Variants in ITGB5 observed in about 807,000 individuals in gnomAD.
ITGB5 encodes integrin subunit beta 5.
A neutral mutation model predicts 84.8 loss-of-function variants in ITGB5; 38 were observed. The ratio of observed to expected loss-of-function variants is 0.45; its 90% CI spans 0.35 to 0.59. The LOEUF is 0.59. Ranked by LOEUF, ITGB5 falls within the 20% of genes least tolerant of loss-of-function variation. The pLI, the probability that ITGB5 is intolerant of heterozygous loss-of-function variation, is 0.01. For missense variants in ITGB5, 905 were observed against 1,034.5 expected (o/e 0.87, Z 1.72); for synonymous variants, 393 against 414.4 (o/e 0.95, Z 0.63).
intron 5 of ITGB5, among the ~76,000 whole-genome samples, chr3:124,827,226 C>T (rs1012254357): frequency 1.3e-5 from 2 of 152,140 alleles, no homozygotes; most frequent in Non-Finnish European, 2.9e-5. Flanking sequence ...AACTGTGGGC[C>T]CCTCAGTCAG....
At chr3:124,774,636 CCGTGT>C (rs1559926045) in intron 10 of ITGB5, among the ~76,000 whole-genome samples, 1 of 152,192 alleles carries the variant, frequency 6.6e-6, no homozygotes, top group Non-Finnish European at 1.5e-5. Context: ...GAAAATAAAT[CCGTGT>C]TGCTTTATGT....
Position 124,796,717 on chromosome 3 carries a change from A to T in ITGB5, c.1364T>A (p.Val455Glu). 6.2e-7 allele frequency: 1 copy of T among 1,613,680 alleles called. No individual in the cohort carries two copies. The change falls in exon 10 of 15, where the codon GTG becomes GAG. Residue 455 changes from valine to glutamate, a missense_variant. Transcript: ENST00000296181. ...GCACGTGCAGTTGTAGGTGACCCCC[A>T]CCTCCAGGCTGTCCCGGAATCCCAC... Reference protein sequence around the residue: ...RPVGFRDSLEVGVTYNCTCGC... With the variant: ...RPVGFRDSLEEGVTYNCTCGC...
At chr3:124,809,745 T>C (rs1019298169) in intron 8 of ITGB5, among the ~76,000 whole-genome samples, 12 of 152,186 alleles carry the variant, frequency 7.9e-5, no homozygotes, top group Admixed American at 3.3e-4. Context: ...TCCAATCTTA[T>C]GTGTGGATTA....
At chr3:124,779,544 A>T (rs1224849323) in intron 10 of ITGB5, among the ~76,000 whole-genome samples, 1 of 152,038 alleles carries the variant, frequency 6.6e-6, no homozygotes, top group Non-Finnish European at 1.5e-5. Flanking sequence ...GGCAGTGGAG[A>T]ACAGAGCTGG....
chr3:124,841,365 A>G lies in ITGB5; in HGVS notation c.780+18T>C, dbSNP rs1172050116. On this transcript the variant is annotated intron_variant, in intron 5 of 14. Coordinates refer to ENST00000296181, the MANE Select transcript of ITGB5 (RefSeq NM_002213.5). ...CTTGACCTCCCCATGCAGGGACAGG[A>G]CCAGAAAGGAAAGTTACCTTGCAGA... The G allele has an allele frequency of 1.2e-6, 2 of 1,611,266 alleles. No homozygotes were observed. The highest frequency in any genetic ancestry group is 1.7e-6 in the Non-Finnish European group (2 of 1,178,490).
intron 5 of ITGB5, among the ~76,000 whole-genome samples, chr3:124,840,543 A>G (rs550535736): frequency 3.0e-4 from 46 of 152,290 alleles, no homozygotes; most frequent in African/African-American, 1.1e-3. Flanking sequence ...GAACCTCTCG[A>G]AGCATGAGTT....
chr3:124,817,682 G>A lies in ITGB5; in HGVS notation c.1067C>T (p.Thr356Met), dbSNP rs370168781. ...KNFTALIPGT[T>M]VEILDGDSKN... Reference sequence around the variant, plus strand: ...GGAGTCTCCATCTAAAATCTCCACCGTTGTTCCAGGTATCAGGGCTGTAAA... The same window carrying A: ...GGAGTCTCCATCTAAAATCTCCACCATTGTTCCAGGTATCAGGGCTGTAAA... The change falls in exon 8 of 15, where the codon ACG (threonine) becomes ATG (methionine). Residue 356 changes from threonine to methionine, a missense_variant. Physicochemically the swap from Thr to Met is moderately conservative, Grantham distance 81 (BLOSUM62 -1). Transcript: ENST00000296181. The A allele has an allele frequency of 2.3e-5, 37 of 1,590,912 alleles. No individual in the cohort carries two copies. The highest frequency in any genetic ancestry group is 6.8e-5 in the South Asian group (6 of 88,424).
intron 5 of ITGB5, among the ~76,000 whole-genome samples, chr3:124,840,757 T>A (rs1355547737): frequency 6.6e-6 from 1 of 151,938 alleles, no homozygotes; most frequent in Non-Finnish European, 1.5e-5. Context: ...CTCCGCCTCC[T>A]GGTTCAAGCG....
intron 9 of ITGB5, among the ~76,000 whole-genome samples, chr3:124,803,703 G>C (rs940677152): frequency 6.6e-6 from 1 of 152,214 alleles, no homozygotes; most frequent in African/African-American, 2.4e-5. Flanking sequence ...CATGGTGCAG[G>C]GGGGCTCAGT....
chr3:124,892,351 T>C (rs1935017204), upstream of ITGB5, among the ~76,000 whole-genome samples: 1 of 150,814 alleles, frequency 6.6e-6, no homozygotes, highest in Admixed American at 6.6e-5. Context: ...TTGCAAAACA[T>C]GGTGAATGTA....
At chr3:124,848,589 A>G in intron 3 of ITGB5, 31 bp from the exon 4 acceptor site, 2 of 1,593,118 alleles carry the variant, frequency 1.3e-6, no homozygotes, top group South Asian at 1.1e-5. Context: ...CGTGTGTTAG[A>G]GGTTGTGCAA....
intron 12 of ITGB5, among the ~76,000 whole-genome samples, chr3:124,767,063 TTACCTACATTC>T (rs1339340880): frequency 5.3e-5 from 8 of 152,324 alleles, no homozygotes; most frequent in African/African-American, 1.9e-4. Context: ...TGTCCAGGCA[TTACCTACATTC>T]CAAGGCTTCC....
chr3:124,842,894 T>C (rs2065029141), intron 4 of ITGB5, among the ~76,000 whole-genome samples: 1 of 152,194 alleles, frequency 6.6e-6, no homozygotes, highest in South Asian at 2.1e-4. Context: ...CTACAGTCCC[T>C]TCTCCATCCA....
chr3:124,817,397 A>C (rs966998175), intron 8 of ITGB5, among the ~76,000 whole-genome samples: 1 of 152,170 alleles, frequency 6.6e-6, no homozygotes, highest in Non-Finnish European at 1.5e-5. Flanking sequence ...TGCAGATGAG[A>C]GTCAAGATGG....
chr3:124,876,123 T>C (rs1035839689), intron 1 of ITGB5, among the ~76,000 whole-genome samples: 6 of 152,108 alleles, frequency 3.9e-5, no homozygotes, highest in Non-Finnish European at 7.4e-5. Flanking sequence ...CACTTGAGAA[T>C]TGCTAAGAGA....
chr3:124,815,840 G>A (rs369675787), intron 8 of ITGB5, among the ~76,000 whole-genome samples: 1 of 152,130 alleles, frequency 6.6e-6, no homozygotes, highest in Non-Finnish European at 1.5e-5. Context: ...CCCTCTTCCT[G>A]AAGTGTAAAG....
intron 10 of ITGB5, among the ~76,000 whole-genome samples, chr3:124,782,076 A>C (rs1433143663): frequency 6.6e-6 from 1 of 152,240 alleles, no homozygotes; most frequent in East Asian, 1.9e-4. Context: ...CAAGCCATTA[A>C]AATCTCTTAA....
At position 124,869,822 on chromosome 3, in the gene ITGB5, T is replaced by C. The variant is rs771344754; in HGVS notation, c.156+3624A>G. ...AGCTCCTAGGGACACCTTCATTTAC[T>C]GTCAGCATCAGGAAGTCTGACTTGT... On this transcript the variant is annotated intron_variant, in intron 2 of 14. Transcript: ENST00000296181. Among the ~76,000 whole-genome samples the C allele has an allele frequency of 3.5e-4, 53 of 152,176 alleles. 1 individual carries two copies. The highest frequency in any genetic ancestry group is 2.8e-4 in the Non-Finnish European group (19 of 68,030).
chr3:124,826,330 A>G (rs1330165231), intron 5 of ITGB5, among the ~76,000 whole-genome samples: 2 of 152,196 alleles, frequency 1.3e-5, no homozygotes, highest in African/African-American at 4.8e-5. Flanking sequence ...GGCAGTAAGA[A>G]GACAGAACAA....
Sources: gnomAD v4.1 joint callset for allele counts (sites outside exome capture counted in the v4.1 genomes callset) on GRCh38, gnomAD v4.1.1 for gene constraint, MANE v1.5 for transcripts, NCBI Gene and HGNC (gene_info 2026-07-23, HGNC 2026-07-21) for gene names.